NFKBIB: variants seen among roughly 807,000 people sequenced by gnomAD.
The protein encoded by NFKBIB is NFKB inhibitor beta, also known as NF-kappa-B inhibitor beta.
NFKBIB carries 16 observed loss-of-function variants against 32.1 expected under a neutral mutation model. That is an observed-to-expected ratio of 0.50 (90% CI 0.34 to 0.76). The LOEUF is 0.76. NFKBIB is among the 30% of genes least tolerant of loss of function. The pLI is 0.01. For missense variants in NFKBIB, 437 were observed against 514.9 expected, an observed-to-expected ratio of 0.85 and a Z score of 1.46; for synonymous variants, 222 against 219.5, an observed-to-expected ratio of 1.01 and a Z score of -0.10.
rs770867834 is a variant in NFKBIB, at chr19:38,907,298, C to T, written c.697C>T (p.Leu233Phe). The T allele has an allele frequency of 6.2e-6, 10 of 1,613,342 alleles. No homozygotes were observed. The South Asian group carries it at 9.9e-5, about 16-fold the overall frequency. ...GCTGCTCCGAGATGCTGGAGCTGAC[C>T]TTGACAAACCGGTGAGCCCCAACCT... is the stretch of plus-strand genomic sequence containing the variant. Reference protein sequence around the residue: ...VRLLRDAGADLDKPEPTCGRS... With the variant: ...VRLLRDAGADFDKPEPTCGRS... The change falls in exon 4 of 6, where the codon CTT becomes TTT. Residue 233 changes from leucine (L) to phenylalanine (F), a missense_variant. Coordinates refer to ENST00000313582, the MANE Select transcript of NFKBIB (RefSeq NM_002503.5).
chr19:38,901,734 C>G (rs1311914654), intron 1 of NFKBIB, among the ~76,000 whole-genome samples: 2 of 152,066 alleles, frequency 1.3e-5, no homozygotes, highest in Non-Finnish European at 2.9e-5. Context: ...CTCAGGTGAT[C>G]CACCCGCTGT....
rs1974104498 is a variant in NFKBIB, at chr19:38,905,933, CAG to C, written c.619+402_619+403del. On this transcript the variant is annotated intron_variant, in intron 3 of 5. Transcript: ENST00000313582. This position sits in a 1 kb window ranked among gnomAD's most constrained non-coding sequence, Gnocchi z 5.5. ...GCTCCCAGCAATGGGCAGCAGGGTT[CAG>C]AGACAGCCCTCCTCAGCCTCATGGG... is the stretch of plus-strand genomic sequence containing the variant. Among the ~76,000 whole-genome samples the C allele has an allele frequency of 6.6e-6, 1 of 152,062 alleles. No individual in the cohort carries two copies. Among genetic ancestry groups the C allele is most frequent in the African/African-American group, 2.4e-5 (1 of 41,384 alleles).
At chr19:38,908,415 T>C in intron 5 of NFKBIB, 1 of 813,398 alleles carries the variant, frequency 1.2e-6, no homozygotes, top group Non-Finnish European at 1.6e-6. Flanking sequence ...GGCGCATGCC[T>C]ATAATCCCAG....
At chr19:38,907,359 CCT>C in intron 4 of NFKBIB, 38 bp from the exon 5 acceptor site, 1 of 1,596,628 alleles carries the variant, frequency 6.3e-7, no homozygotes, top group Non-Finnish European at 8.6e-7. Flanking sequence ...GGGCTTGTCC[CCT>C]CTTCGGGCCC....
chr19:38,901,292 C>G (rs574031843), intron 1 of NFKBIB, among the ~76,000 whole-genome samples: 1 of 151,864 alleles, frequency 6.6e-6, no homozygotes, highest in African/African-American at 2.4e-5. Context: ...TTCAATTGGT[C>G]TCTGTTCTGA....
rs1974233961 is a variant in NFKBIB, at chr19:38,908,716, C to A, written c.970-15C>A. 4 of 1,606,514 alleles carry A rather than the reference C, an allele frequency of 2.5e-6. No individual in the cohort carries two copies. The highest frequency in any genetic ancestry group is 4.5e-5 in the East Asian group (2 of 44,542). On this transcript the variant is annotated splice_polypyrimidine_tract_variant and intron_variant, in intron 5 of 5. Transcript: ENST00000313582. ...AGCCGCCTGAGCCCCTCTGCCTGGT[C>A]CCCTTTGCCCCCAGGATGAATACGA...
At position 38,899,973 on chromosome 19, in the gene NFKBIB, TC is replaced by T. The variant is rs1568410901; in HGVS notation, c.-57del. On this transcript the variant is annotated 5_prime_UTR_variant, in exon 1 of 6. Coordinates refer to ENST00000313582, the MANE Select transcript of NFKBIB (RefSeq NM_002503.5). ...TCCCGCAGGGCGGAAGCTCCAGAAC[TC>T]CCGGCAAAGCCCAGCTACAGGCGGG... The T allele has an allele frequency of 5.6e-6, 8 of 1,428,192 alleles. No individual in the cohort carries two copies. Among genetic ancestry groups the T allele is most frequent in the Non-Finnish European group, 6.4e-6 (7 of 1,090,684 alleles). The allele number at this position is 1,428,192 out of a possible 1,614,324, so 88.5% of individuals were successfully genotyped here.
At chr19:38,903,800 G>A (rs182448351) in intron 1 of NFKBIB, among the ~76,000 whole-genome samples, 18 of 152,074 alleles carry the variant, frequency 1.2e-4, no homozygotes, top group South Asian at 6.2e-4. Flanking sequence ...GCCGGGCGCC[G>A]TGGCTCACAC....
At chr19:38,899,824 T>G, upstream of NFKBIB, 2 of 697,054 alleles carry the variant, frequency 2.9e-6, no homozygotes, top group Middle Eastern at 3.8e-4. Flanking sequence ...CCGGAAAATG[T>G]GGGAACGGCT....
chr19:38,905,007 G>A lies in NFKBIB; in HGVS notation c.180-8G>A, dbSNP rs772338303. The A allele has an allele frequency of 6.2e-7, 1 of 1,613,302 alleles. No individual in the cohort carries two copies. Among genetic ancestry groups the A allele is most frequent in the African/African-American group, 1.3e-5 (1 of 74,876 alleles). On this transcript the variant is annotated splice_polypyrimidine_tract_variant and splice_region_variant and intron_variant, in intron 1 of 5. Coordinates refer to ENST00000313582, the MANE Select transcript of NFKBIB (RefSeq NM_002503.5). This position sits in a 1 kb window ranked among gnomAD's most constrained non-coding sequence, Gnocchi z 5.5. ...ACTTTGCCCTCTCACCCCGGTCTTT[G>A]TCCCCAGGGCACTGCACTTGGCTGT...
rs1974189222 is a variant in NFKBIB at position 38,907,762 on chromosome 19, T to TA, written c.969+104dup. The TA allele has an allele frequency of 4.1e-6, 6 of 1,456,600 alleles. No individual in the cohort carries two copies. The African/African-American group carries it at 7.1e-5, about 17-fold the overall frequency. The allele number at this position is 1,456,600 out of a possible 1,614,324, so 90.2% of individuals were successfully genotyped here. On this transcript the variant is annotated intron_variant, in intron 5 of 5. Transcript: ENST00000313582. ...TTAGGCACCGACCTTGGGCTGCTGT[T>TA]AGAGAACTCAGGCAGCAGCGCCAGT...
In NFKBIB at chr19:38,905,241, A is replaced by G. The variant is rs1018354785; in HGVS notation, c.325A>G (p.Thr109Ala). ...GGCAGCCATCCTGGGGGAGACATCC[A>G]CGGTGGAGAAGCTGTACGCAGCAGG... is the stretch of plus-strand genomic sequence containing the variant. ...HLAAILGETSTVEKLYAAGAG... is the reference protein window; with the variant it reads ...HLAAILGETSAVEKLYAAGAG... Residue 109 changes from threonine to alanine, a missense_variant, in exon 3 of 6, where the codon ACG (threonine) becomes GCG (alanine). Physicochemically the swap from Thr to Ala is moderately conservative, Grantham distance 58. Transcript: ENST00000313582. The surrounding 1 kb of genome is among the most constrained non-coding windows in gnomAD (Gnocchi z 5.5). 7 of 1,589,956 alleles carry G rather than the reference A, an allele frequency of 4.4e-6. No individual in the cohort carries two copies. Among genetic ancestry groups the G allele is most frequent in the East Asian group, 4.5e-5 (2 of 44,686 alleles).
chr19:38,902,888 A>ACTC (rs1329577347), intron 1 of NFKBIB, among the ~76,000 whole-genome samples: 2 of 152,120 alleles, frequency 1.3e-5, no homozygotes, highest in African/African-American at 2.4e-5. Context: ...ATCCTGGCTA[A>ACTC]CATGGTGAAA....
upstream of NFKBIB, chr19:38,899,968 A>C (rs112492606): frequency 3.7e-5 from 52 of 1,420,390 alleles, no homozygotes; most frequent in Non-Finnish European, 4.6e-5. Context: ...CGGAAGCTCC[A>C]GAACTCCCGG....
chr19:38,899,782 G>T (rs1600138580), upstream of NFKBIB: 3 of 674,584 alleles, frequency 4.4e-6, no homozygotes, highest in East Asian at 8.2e-5. Flanking sequence ...CCCAGAAGGC[G>T]TGGCGTCAGC....
In NFKBIB at chr19:38,905,173, T is replaced by C; in HGVS notation, c.286-29T>C. ...TGGGGTCCAGGGTTCCCAGTGTGAC[T>C]CCCTACCGCCTGTCCTCTGCTTCTG... On this transcript the variant is annotated intron_variant, in intron 2 of 5. Coordinates refer to ENST00000313582, the MANE Select transcript of NFKBIB (RefSeq NM_002503.5). The surrounding 1 kb of genome is among the most constrained non-coding windows in gnomAD (Gnocchi z 5.5). The C allele has an allele frequency of 6.2e-7, 1 of 1,609,414 alleles. No homozygotes were observed. Among genetic ancestry groups the C allele is most frequent in the Non-Finnish European group, 8.5e-7 (1 of 1,177,484 alleles).
At chr19:38,907,335 C>T in intron 4 of NFKBIB, 26 bp downstream of exon 4, 1 of 1,607,020 alleles carries the variant, frequency 6.2e-7, no homozygotes, top group Non-Finnish European at 8.5e-7. Flanking sequence ...GGGGAAGATG[C>T]CGTCGGCGGG....
At position 38,900,080 on chromosome 19, in the gene NFKBIB, G is replaced by A; in HGVS notation, c.48G>A (p.Trp16Ter). 1 of 1,537,486 alleles carries A rather than the reference G, an allele frequency of 6.5e-7. No homozygotes were observed. Among genetic ancestry groups the A allele is most frequent in the South Asian group, 1.2e-5 (1 of 83,032 alleles). Reference sequence around the variant, plus strand: ...GAAAAGCTGCCGACGCAGATGAATGGTGCGACAGCGGCCTGGGCTCCCTGG... The same window carrying A: ...GAAAAGCTGCCGACGCAGATGAATGATGCGACAGCGGCCTGGGCTCCCTGG... The part of the protein sequence containing the change: ...CLGKAADADE[W>*]CDSGLGSLGP... The change falls in exon 1 of 6, where the codon TGG becomes TGA. Residue 16 changes from tryptophan (W) to a stop codon, truncating the protein, a stop_gained. Transcript: ENST00000313582. LOFTEE classifies it high-confidence loss of function.
In NFKBIB at chr19:38,907,387, G is replaced by A. The variant is rs777857243; in HGVS notation, c.709-12G>A. 1.9e-6 allele frequency: 3 copies of A among 1,588,872 alleles called. No individual in the cohort carries two copies. In the East Asian group the frequency reaches 6.8e-5, roughly 36 times the overall value. ...CTTCGGGCCCTCTGACCTTTCTGTT[G>A]CACCCCCACAGGAGCCCACGTGCGG... On this transcript the variant is annotated splice_polypyrimidine_tract_variant and intron_variant, in intron 4 of 5. Transcript: ENST00000313582.
Sources: gnomAD v4.1 joint callset for allele counts (sites outside exome capture counted in the v4.1 genomes callset) on GRCh38, gnomAD v4.1.1 for gene constraint, Gnocchi (gnomAD v3.1) non-coding constraint, MANE v1.5 for transcripts, NCBI Gene and HGNC (gene_info 2026-07-23, HGNC 2026-07-21) for gene names.